CBLB: variants seen among roughly 807,000 people sequenced by gnomAD.
CBLB encodes the protein Cbl proto-oncogene B.
CBLB carries 31 observed loss-of-function variants against 104.9 expected under a neutral mutation model. The observed-to-expected ratio is 0.30, with a 90% CI of 0.22 to 0.40. CBLB has a LOEUF of 0.40. Ranked by LOEUF, CBLB falls within the 10% of genes least tolerant of loss-of-function variation. The probability of loss-of-function intolerance (pLI) is 1.00; values close to 1 mark genes in which losing one functional copy is unlikely to be tolerated. For missense variants in CBLB, 1,062 were observed against 1,214.6 expected (o/e 0.87, Z 1.87); for synonymous variants, 440 against 422.6 (o/e 1.04, Z -0.51).
At chr3:105,813,482 C>A (rs1318972455) in intron 3 of CBLB, among the ~76,000 whole-genome samples, 2 of 152,026 alleles carry the variant, frequency 1.3e-5, no homozygotes, top group East Asian at 3.9e-4. Flanking sequence ...ATCATCATTT[C>A]TCCTCCTAAA....
intron 10 of CBLB, among the ~76,000 whole-genome samples, chr3:105,705,258 C>T (rs771430856): frequency 5.9e-5 from 9 of 152,256 alleles, no homozygotes; most frequent in South Asian, 2.1e-4. Context: ...ATCATTTAGT[C>T]TGTCTTTAAC....
rs1193591257 is a variant in CBLB at position 105,670,311 on chromosome 3, G to C, written c.2611C>G (p.Pro871Ala). ...DLASGQVPLP[P>A]ARRLPGENVK... ...TTTTCACCTGGTAACCTTCTAGCAG[G>C]AGGCAAAGGAACTTGGCCACTTGCT... Residue 871 changes from proline (P) to alanine (A), a missense_variant, in exon 18 of 19, where the codon CCT becomes GCT. Physicochemically the swap from Pro to Ala is conservative, Grantham distance 27 (BLOSUM62 -1). Transcript: ENST00000394030. 6.2e-7 allele frequency: 1 copy of C among 1,610,716 alleles called. No individual in the cohort carries two copies. The highest frequency in any genetic ancestry group is 1.3e-5 in the African/African-American group (1 of 74,776).
intron 3 of CBLB, among the ~76,000 whole-genome samples, chr3:105,843,479 G>A (rs943695554): frequency 6.6e-6 from 1 of 151,336 alleles, no homozygotes; most frequent in Admixed American, 6.6e-5. Context: ...AAGAAAACAG[G>A]GATTGTTAAG....
At chr3:105,823,873 T>C (rs867164111) in intron 3 of CBLB, among the ~76,000 whole-genome samples, 3 of 152,284 alleles carry the variant, frequency 2.0e-5, no homozygotes, top group Admixed American at 1.3e-4. Context: ...ATTCTTATAA[T>C]GTCTCCATCA....
At chr3:105,817,756 A>T (rs1004199394) in intron 3 of CBLB, among the ~76,000 whole-genome samples, 1 of 152,204 alleles carries the variant, frequency 6.6e-6, no homozygotes, top group Non-Finnish European at 1.5e-5. Flanking sequence ...AATAAAGGCA[A>T]GCAGAAAAGT....
At chr3:105,675,553 C>A (rs1163914496) in intron 17 of CBLB, among the ~76,000 whole-genome samples, 2 of 151,982 alleles carry the variant, frequency 1.3e-5, no homozygotes, top group Non-Finnish European at 2.9e-5. Context: ...CTAATACACA[C>A]GGTTTTAAAT....
intron 2 of CBLB, 86 bp downstream of exon 2, chr3:105,867,324 G>T: frequency 1.7e-6 from 2 of 1,144,436 alleles, no homozygotes; most frequent in Non-Finnish European, 1.3e-6. Context: ...ACAATGGTTG[G>T]TATTAATTAA....
chr3:105,859,977 G>C (rs2091963834), intron 2 of CBLB, among the ~76,000 whole-genome samples: 1 of 152,194 alleles, frequency 6.6e-6, no homozygotes, highest in Non-Finnish European at 1.5e-5. Context: ...TGAATTTACA[G>C]AAAATTACCA....
chr3:105,746,520 A>G (rs964768820), intron 5 of CBLB, among the ~76,000 whole-genome samples: 1 of 152,140 alleles, frequency 6.6e-6, no homozygotes, highest in Non-Finnish European at 1.5e-5. Context: ...ATTGTCTTGA[A>G]CAAAAAAGCC....
At chr3:105,793,484 CAAA>C (rs367556783) in intron 3 of CBLB, among the ~76,000 whole-genome samples, 23 of 118,560 alleles carry the variant, frequency 1.9e-4, no homozygotes, top group South Asian at 2.8e-4. Flanking sequence ...AAATGTTTAA[CAAA>C]AAAAAAAAAA....
chr3:105,801,526 A>T (rs867908623), intron 3 of CBLB, among the ~76,000 whole-genome samples: 1 of 152,178 alleles, frequency 6.6e-6, no homozygotes, highest in African/African-American at 2.4e-5. Flanking sequence ...GGTCTGAACA[A>T]TTTTTTCATT....
At chr3:105,665,487 A>G (rs2064335943) in intron 18 of CBLB, among the ~76,000 whole-genome samples, 1 of 146,230 alleles carries the variant, frequency 6.8e-6, no homozygotes, top group Admixed American at 6.8e-5. Context: ...ACATATATAT[A>G]TTTCAGAGTG....
chr3:105,705,528 C>T (rs1576482108), intron 10 of CBLB, among the ~76,000 whole-genome samples: 1 of 152,274 alleles, frequency 6.6e-6, no homozygotes, highest in Non-Finnish European at 1.5e-5. Context: ...AGAGATTATA[C>T]AGAATGTTTC....
At position 105,771,767 on chromosome 3, in the gene CBLB, C is replaced by A. The variant is rs78635463; in HGVS notation, c.566+4629G>T. 6.4e-3 allele frequency among the ~76,000 whole-genome samples: 975 copies of A among 152,160 alleles called. 12 individuals carry two copies. The highest frequency in any genetic ancestry group is 0.022 in the African/African-American group (934 of 41,520). On this transcript the variant is annotated intron_variant, in intron 4 of 18. Coordinates refer to ENST00000394030, the MANE Select transcript of CBLB (RefSeq NM_170662.5). ...ACCAAGCTGAGAATCAAACCAAGAA[C>A]TCAATCCCCTTTGCAACAGCTGAAA...
chr3:105,846,813 G>T (rs2090315145), intron 3 of CBLB, among the ~76,000 whole-genome samples: 1 of 151,998 alleles, frequency 6.6e-6, no homozygotes, highest in African/African-American at 2.4e-5. Context: ...AAACTGTGAG[G>T]TCCAGTAACT....
intron 17 of CBLB, chr3:105,672,203 A>G (rs2065141068): frequency 5.3e-6 from 1 of 188,274 alleles, no homozygotes; most frequent in East Asian, 8.5e-5. Context: ...TAAGGTTAAA[A>G]AGTAAACTCT....
chr3:105,812,919 A>T (rs1040415727), intron 3 of CBLB, among the ~76,000 whole-genome samples: 1 of 152,174 alleles, frequency 6.6e-6, no homozygotes, highest in African/African-American at 2.4e-5. Context: ...ATAGTCTATC[A>T]ATTTTCTTAT....
At chr3:105,709,668 T>C (rs897553879) in intron 10 of CBLB, among the ~76,000 whole-genome samples, 2 of 151,956 alleles carry the variant, frequency 1.3e-5, no homozygotes, top group African/African-American at 2.4e-5. Flanking sequence ...TTATGCTGTT[T>C]TCAAGTTTTC....
intron 3 of CBLB, among the ~76,000 whole-genome samples, chr3:105,847,580 C>T (rs768924818): frequency 6.7e-6 from 1 of 148,600 alleles, no homozygotes; most frequent in African/African-American, 2.5e-5. Flanking sequence ...CACAGTCTAT[C>T]AAAGGCAGAG....
Sources: gnomAD v4.1 joint callset for allele counts (sites outside exome capture counted in the v4.1 genomes callset) on GRCh38, gnomAD v4.1.1 for gene constraint, MANE v1.5 for transcripts, NCBI Gene and HGNC (gene_info 2026-07-23, HGNC 2026-07-21) for gene names.